The following DEPDC5 variants were observed in gnomAD, a reference collection of about 807,000 sequenced individuals.
DEPDC5 encodes DEP domain containing 5, GATOR1 subcomplex subunit, also known as GATOR1 complex protein DEPDC5.
A neutral mutation model predicts 217.3 loss-of-function variants in DEPDC5; 73 were observed. The ratio of observed to expected loss-of-function variants is 0.34; its 90% confidence interval spans 0.28 to 0.41. DEPDC5 has a LOEUF of 0.41. DEPDC5 is among the 10% of genes least tolerant of loss of function. The pLI, the probability that DEPDC5 is intolerant of heterozygous loss-of-function variation, is 1.00. For missense variants in DEPDC5, 1,675 were observed against 2,070.1 expected (o/e 0.81, Z 3.70); for synonymous variants, 733 against 756.7 (o/e 0.97, Z 0.51).
chr22:31,841,997 T>A (rs539407572), intron 27 of DEPDC5, among the ~76,000 whole-genome samples: 2 of 152,364 alleles, frequency 1.3e-5, no homozygotes, highest in Non-Finnish European at 2.9e-5. Flanking sequence ...TTTTCTTGAT[T>A]CCTGATTATT....
At chr22:31,857,195 C>G (rs1732888484) in intron 31 of DEPDC5, among the ~76,000 whole-genome samples, 1 of 152,152 alleles carries the variant, frequency 6.6e-6, no homozygotes, top group African/African-American at 2.4e-5. Context: ...TTTTTAAGGT[C>G]ATATATAAGC....
At chr22:31,879,043 A>AAATATATAT (rs763615141) in intron 37 of DEPDC5, among the ~76,000 whole-genome samples, 1 of 119,464 alleles carries the variant, frequency 8.4e-6, no homozygotes, top group East Asian at 2.5e-4. Context: ...AAAAAAAAAA[A>AAATATATAT]ATATATATAT....
chr22:31,874,440 C>G, intron 36 of DEPDC5, 35 bp downstream of exon 36: 1 of 1,576,382 alleles, frequency 6.3e-7, no homozygotes, highest in Non-Finnish European at 8.6e-7. Flanking sequence ...GAGCTGTTTG[C>G]TTAGGTCCCG....
At chr22:31,769,526 G>T (rs1336251398) in intron 7 of DEPDC5, 1 of 152,084 alleles carries the variant, frequency 6.6e-6, no homozygotes, top group Admixed American at 6.6e-5. Flanking sequence ...CTCCTGATTT[G>T]TTACCTTTTT....
rs2087319790 is a variant in DEPDC5 at position 31,804,846 on chromosome 22, A to G, written c.1148A>G (p.His383Arg). 7 of 1,613,788 alleles carry G rather than the reference A, an allele frequency of 4.3e-6. No individual in the cohort carries two copies. Among genetic ancestry groups the G allele is most frequent in the East Asian group, 2.2e-5 (1 of 44,880 alleles). The change falls in exon 17 of 43, where the codon CAT becomes CGT. Residue 383 changes from histidine to arginine, a missense_variant. His to Arg is a conservative substitution (Grantham distance 29). Transcript: ENST00000651528. ...PLHAVPLFKLHNRSAPRDSRL... is the reference protein window; with the variant it reads ...PLHAVPLFKLRNRSAPRDSRL... ...CTCTCATTTTTCTCCTTGCAGCTCC[A>G]TAATCGGAGTGCTCCCCGTGATTCT...
chr22:31,851,543 A>C (rs1422805831), intron 31 of DEPDC5, among the ~76,000 whole-genome samples: 1 of 152,174 alleles, frequency 6.6e-6, no homozygotes, highest in Non-Finnish European at 1.5e-5. Context: ...GCCAGTTGTC[A>C]GTTGACTTCT....
At chr22:31,817,800 T>C (rs558302908) in intron 21 of DEPDC5, among the ~76,000 whole-genome samples, 1 of 152,338 alleles carries the variant, frequency 6.6e-6, no homozygotes, top group East Asian at 1.9e-4. Context: ...ACTCATCTTT[T>C]TTTTTTTACT....
chr22:31,837,210 C>T, intron 26 of DEPDC5, 55 bp downstream of exon 26: 2 of 1,576,596 alleles, frequency 1.3e-6, no homozygotes, highest in African/African-American at 1.3e-5. Context: ...TCGGATATAT[C>T]CCACACATGC....
intron 9 of DEPDC5, 171 bp from the exon 10 acceptor site, chr22:31,784,643 C>G (rs898767723): frequency 6.8e-6 from 3 of 442,822 alleles, no homozygotes; most frequent in Non-Finnish European, 1.2e-5. Context: ...AAAAGATGTA[C>G]AAAATACACC....
At chr22:31,879,496 A>G in intron 37 of DEPDC5, 29 bp from the exon 38 acceptor site, 1 of 1,591,490 alleles carries the variant, frequency 6.3e-7, no homozygotes, top group Non-Finnish European at 8.6e-7. Context: ...TGTGTTGAGT[A>G]CTCCTTCTCT....
intron 18 of DEPDC5, among the ~76,000 whole-genome samples, chr22:31,807,594 G>T (rs1157452054): frequency 1.3e-5 from 2 of 152,038 alleles, no homozygotes; most frequent in African/African-American, 2.4e-5. Context: ...ACCACACCCA[G>T]CCTAATTTTT....
intron 30 of DEPDC5, among the ~76,000 whole-genome samples, chr22:31,845,788 G>A (rs2091698269): frequency 6.6e-6 from 1 of 151,600 alleles, no homozygotes; most frequent in East Asian, 1.9e-4. Context: ...TGTGTACACA[G>A]GTCTGTGAAT....
intron 4 of DEPDC5, among the ~76,000 whole-genome samples, chr22:31,762,507 T>C (rs907054769): frequency 6.6e-6 from 1 of 152,210 alleles, no homozygotes; most frequent in Non-Finnish European, 1.5e-5. Context: ...CTGACGCCTG[T>C]AATCCCAACA....
intron 20 of DEPDC5, among the ~76,000 whole-genome samples, chr22:31,811,250 T>C (rs963160351): frequency 1.3e-5 from 2 of 151,708 alleles, no homozygotes; most frequent in Non-Finnish European, 2.9e-5. Context: ...TTGTGTTTTT[T>C]GTAGAGATGG....
At position 31,892,934 on chromosome 22, in the gene DEPDC5, G is replaced by A. The variant is rs375685958; in HGVS notation, c.4034-648G>A. Among the ~76,000 whole-genome samples, 8 of 145,716 alleles carry A rather than the reference G, an allele frequency of 5.5e-5. No homozygotes were observed. The East Asian group carries it at 1.6e-3, about 30-fold the overall frequency. On this transcript the variant is annotated intron_variant, in intron 38 of 42. Coordinates refer to ENST00000651528, the MANE Select transcript of DEPDC5 (RefSeq NM_001242896.3). ...CTGTATTGCCAGACTGGAGTGCAATGGCGCGATCTCGGCTCACTGCAACCT... is the reference window on the plus strand; with the variant it reads ...CTGTATTGCCAGACTGGAGTGCAATAGCGCGATCTCGGCTCACTGCAACCT...
chr22:31,795,056 T>C (rs1303819518), intron 12 of DEPDC5, among the ~76,000 whole-genome samples: 11 of 150,464 alleles, frequency 7.3e-5, no homozygotes, highest in Non-Finnish European at 1.2e-4. Flanking sequence ...TGATCACACA[T>C]TCCATGTGAT....
chr22:31,785,533 ATAC>A (rs2084897954), intron 10 of DEPDC5, among the ~76,000 whole-genome samples: 1 of 152,122 alleles, frequency 6.6e-6, no homozygotes, highest in Non-Finnish European at 1.5e-5. Flanking sequence ...GAATTTGGCA[ATAC>A]TACCCAAAGC....
chr22:31,775,285 T>C (rs1759809375), intron 7 of DEPDC5, among the ~76,000 whole-genome samples: 1 of 152,046 alleles, frequency 6.6e-6, no homozygotes, highest in South Asian at 2.1e-4. Flanking sequence ...GTTCAAGCAA[T>C]TCTCCTGCCT....
chr22:31,811,839 C>T (rs944071688), intron 20 of DEPDC5, among the ~76,000 whole-genome samples: 2 of 152,188 alleles, frequency 1.3e-5, no homozygotes, highest in Non-Finnish European at 2.9e-5. Context: ...AGCCACTGCA[C>T]TCAGCCATGT....
Sources: allele counts gnomAD v4.1 joint callset (sites outside exome capture counted in the v4.1 genomes callset), GRCh38; gene constraint gnomAD v4.1.1; transcripts MANE v1.5; gene names NCBI Gene and HGNC (gene_info 2026-07-23, HGNC 2026-07-21).